The following THOC2 variants were observed in gnomAD, a reference collection of about 807,000 sequenced individuals.
The protein encoded by THOC2 is THO complex 2.
A neutral mutation model predicts 128.4 loss-of-function variants in THOC2; 10 were observed. That is an observed-to-expected ratio of 0.08 (90% CI 0.05 to 0.13). The LOEUF is 0.13. Ranked by LOEUF, THOC2 falls within the 10% of genes least tolerant of loss-of-function variation. THOC2 has a pLI of 1.00. For synonymous variants in THOC2, 393 were observed against 396.9 expected, an observed-to-expected ratio of 0.99 and a Z score of 0.12; for missense variants, 535 against 1,155.7, an observed-to-expected ratio of 0.46 and a Z score of 7.79.
At chrX:123,604,353 G>T (rs776618951) in intron 38 of THOC2, among the ~76,000 whole-genome samples, 10 of 110,836 alleles carry the variant, frequency 9.0e-5, no homozygotes, top group Non-Finnish European at 1.7e-4. Context: ...GTAATTATCT[G>T]GACCTCCTGA....
At chrX:123,643,850 G>C (rs751453463) in intron 15 of THOC2, among the ~76,000 whole-genome samples, 1 of 111,203 alleles carries the variant, frequency 9.0e-6, no homozygotes, top group South Asian at 3.8e-4. Context: ...ATTACACACT[G>C]TTAAATCTAA....
chrX:123,696,255 C>A (rs2050442189), intron 6 of THOC2, 101 bp from the exon 7 acceptor site: 6 of 528,465 alleles, frequency 1.1e-5, no homozygotes, highest in African/African-American at 2.4e-5. Context: ...CTCCAACCTA[C>A]AACAATCCTA....
intron 33 of THOC2, among the ~76,000 whole-genome samples, chrX:123,618,700 A>G (rs1002110401): frequency 1.8e-5 from 2 of 112,131 alleles, no homozygotes; most frequent in Non-Finnish European, 3.8e-5. Context: ...AACATGAACA[A>G]TGGACAATTC....
chrX:123,672,913 C>T (rs1275691938), intron 8 of THOC2, among the ~76,000 whole-genome samples: 1 of 112,525 alleles, frequency 8.9e-6, no homozygotes, highest in Admixed American at 9.4e-5. Flanking sequence ...GTTCCTCCCA[C>T]AATTATGATA....
At chrX:123,703,308 T>C in intron 4 of THOC2, 146 bp downstream of exon 4, 2 of 342,704 alleles carry the variant, frequency 5.8e-6, no homozygotes, top group Middle Eastern at 7.2e-4. Flanking sequence ...ACATTTGACT[T>C]ATATTGCTAT....
At chrX:123,627,604 A>T in intron 23 of THOC2, 89 bp downstream of exon 23, 2 of 929,306 alleles carry the variant, frequency 2.2e-6, no homozygotes, top group Non-Finnish European at 3.0e-6. Context: ...TCACTGTTTT[A>T]AGGAACCAGA....
chrX:123,706,597 C>G (rs1252623224), intron 3 of THOC2, among the ~76,000 whole-genome samples: 3 of 99,718 alleles, frequency 3.0e-5, no homozygotes, highest in Non-Finnish European at 5.9e-5. Context: ...CCTGATATTT[C>G]CTACTTTACC....
chrX:123,687,248 CACTG>C (rs2050037243), intron 7 of THOC2, among the ~76,000 whole-genome samples: 1 of 110,213 alleles, frequency 9.1e-6, no homozygotes, highest in African/African-American at 3.3e-5. Flanking sequence ...TAAAATATAC[CACTG>C]ATTTATATCC....
At chrX:123,697,099 A>G (rs188588654) in intron 5 of THOC2, among the ~76,000 whole-genome samples, 1 of 112,274 alleles carries the variant, frequency 8.9e-6, no homozygotes, top group Non-Finnish European at 1.9e-5. Flanking sequence ...GACAAGAACT[A>G]CAGATGAAAT....
chrX:123,605,184 A>G (rs1668276374), intron 38 of THOC2, among the ~76,000 whole-genome samples: 1 of 111,631 alleles, frequency 9.0e-6, no homozygotes. Flanking sequence ...GCTTTTCAGG[A>G]TAATTATGTG....
At chrX:123,701,559 GA>G (rs1231678454) in intron 4 of THOC2, among the ~76,000 whole-genome samples, 6 of 110,575 alleles carry the variant, frequency 5.4e-5, no homozygotes, top group Admixed American at 9.7e-5. Context: ...ATTACCCAAA[GA>G]AAGATATACT....
At chrX:123,629,329 A>G (rs1483850906) in intron 22 of THOC2, among the ~76,000 whole-genome samples, 1 of 108,688 alleles carries the variant, frequency 9.2e-6, no homozygotes, top group African/African-American at 3.4e-5. Context: ...TCATCCAGAA[A>G]ATTTTGTTTA....
chrX:123,674,088 T>TAA (rs2049389573), intron 8 of THOC2, among the ~76,000 whole-genome samples: 1 of 111,991 alleles, frequency 8.9e-6, no homozygotes. Flanking sequence ...TCTATATATA[T>TAA]AACGTTGTTC....
Position 123,686,535 on chromosome X carries a change from C to T in THOC2, c.768+13G>A, listed in dbSNP as rs779058951. 6.8e-6 allele frequency: 8 copies of T among 1,168,090 alleles called. No individual in the cohort carries two copies. Among genetic ancestry groups the T allele is most frequent in the African/African-American group, 3.5e-5 (2 of 56,796 alleles). On this transcript the variant is annotated intron_variant, in intron 8 of 38. Transcript: ENST00000245838. ...CAATCTCTAAATATACATACATACACGTTTTTCTTTACCTGGTAAAACTTG... is the reference window on the plus strand; with the variant it reads ...CAATCTCTAAATATACATACATACATGTTTTTCTTTACCTGGTAAAACTTG...
At chrX:123,653,126 A>G (rs1470000130) in intron 12 of THOC2, among the ~76,000 whole-genome samples, 2 of 111,681 alleles carry the variant, frequency 1.8e-5, no homozygotes, top group African/African-American at 3.3e-5. Context: ...CCACACATCT[A>G]CAACTATCTG....
intron 12 of THOC2, among the ~76,000 whole-genome samples, chrX:123,662,574 C>T (rs1299839435): frequency 2.5e-5 from 2 of 81,312 alleles, no homozygotes; most frequent in Non-Finnish European, 4.4e-5. Context: ...GGCAACAGAG[C>T]GAGACTCCGT....
At chrX:123,611,069 A>G in intron 37 of THOC2, 106 bp from the exon 38 acceptor site, 1 of 691,370 alleles carries the variant, frequency 1.4e-6, no homozygotes, top group African/African-American at 2.2e-5. Flanking sequence ...GGCTCTGACC[A>G]GCCTGGTAGC....
chrX:123,668,997 C>T (rs2049154977), intron 9 of THOC2, among the ~76,000 whole-genome samples: 1 of 111,393 alleles, frequency 9.0e-6, no homozygotes, highest in Admixed American at 9.6e-5. Context: ...AAACTTTAGG[C>T]AACAAATTAC....
chrX:123,674,125 T>C (rs1455730399), intron 8 of THOC2, among the ~76,000 whole-genome samples: 1 of 111,965 alleles, frequency 8.9e-6, no homozygotes, highest in African/African-American at 3.2e-5. Context: ...TACTCATCTT[T>C]TGTCAAGTAA....
Sources: gnomAD v4.1 joint callset for allele counts (sites outside exome capture counted in the v4.1 genomes callset) on GRCh38, gnomAD v4.1.1 for gene constraint, MANE v1.5 for transcripts, NCBI Gene and HGNC (gene_info 2026-07-23, HGNC 2026-07-21) for gene names.